The following JAZF1 variants were observed in gnomAD, a reference collection of about 807,000 sequenced individuals.
JAZF1 encodes the protein juxtaposed with another zinc finger protein 1.
Under a neutral mutation model 26.4 loss-of-function variants are expected in JAZF1, and 8 were observed. The ratio of observed to expected loss-of-function variants is 0.30; its 90% CI spans 0.18 to 0.55. The LOEUF (loss-of-function observed/expected upper bound fraction) is 0.55. JAZF1 is among the 20% of genes least tolerant of loss of function. The pLI is 0.94. For synonymous variants in JAZF1, 126 were observed against 122.3 expected (o/e 1.03, Z -0.20); for missense variants, 199 against 322.0 (o/e 0.62, Z 2.92).
chr7:27,910,527 A>G (rs1784343868), intron 2 of JAZF1, among the ~76,000 whole-genome samples: 1 of 152,200 alleles, frequency 6.6e-6, no homozygotes, highest in African/African-American at 2.4e-5. Flanking sequence ...GGCTCCCAGG[A>G]ATGCATGCGT....
rs1364032269 is a variant in JAZF1 at position 28,090,890 on chromosome 7, G to C, written c.115+89573C>G. 4.8e-5 allele frequency among the ~76,000 whole-genome samples: 7 copies of C among 145,538 alleles called. No individual in the cohort carries two copies. In the Admixed American group the frequency reaches 4.9e-4, roughly 10 times the overall value. On this transcript the variant is annotated intron_variant, in intron 1 of 4. Coordinates refer to ENST00000283928, the MANE Select transcript of JAZF1 (RefSeq NM_175061.4). ...GCCGGACTGCGGACTGCAGTGGCGC[G>C]ATCTCGGCTCACTGCAAGCTCCGCT...
At position 28,157,914 on chromosome 7, in the gene JAZF1, A is replaced by AATTCC. The variant is rs565001971; in HGVS notation, c.115+22544_115+22548dup. Among the ~76,000 whole-genome samples, 276 of 152,126 alleles carry AATTCC rather than the reference A, an allele frequency of 1.8e-3. 1 individual carries two copies. The highest frequency in any genetic ancestry group is 6.4e-3 in the African/African-American group (266 of 41,490). The stretch of plus-strand genomic sequence containing the variant: ...TTTTTTAATCCCCGATGTAAGCTTA[A>AATTCC]ATTCCCCATGGTCTCCTCCTAAGTT... On this transcript the variant is annotated intron_variant, in intron 1 of 4. Transcript: ENST00000283928.
At chr7:27,935,223 T>C (rs989785131) in intron 2 of JAZF1, among the ~76,000 whole-genome samples, 4 of 152,174 alleles carry the variant, frequency 2.6e-5, no homozygotes, top group Non-Finnish European at 4.4e-5. Flanking sequence ...TGTGGAGAAA[T>C]TGGAATCGTC....
intron 1 of JAZF1, among the ~76,000 whole-genome samples, chr7:28,053,891 A>G (rs886934047): frequency 1.3e-5 from 2 of 152,264 alleles, no homozygotes; most frequent in East Asian, 3.9e-4. Context: ...CACCCCGAGC[A>G]GCTCTGCATC....
In JAZF1 at chr7:28,036,131, G is replaced by A. The variant is rs561316781; in HGVS notation, c.116-44150C>T. On this transcript the variant is annotated intron_variant, in intron 1 of 4. Coordinates refer to ENST00000283928, the MANE Select transcript of JAZF1 (RefSeq NM_175061.4). ...TTTCTTTGTCTTGATGCACTAATAT[G>A]TAACAACTGTGGGGGAAAATACAAG... 9.2e-5 allele frequency among the ~76,000 whole-genome samples: 14 copies of A among 152,274 alleles called. No homozygotes were observed. In the South Asian group the frequency reaches 2.9e-3, roughly 32 times the overall value.
chr7:27,912,363 G>A (rs11770383), intron 2 of JAZF1, among the ~76,000 whole-genome samples: 2 of 152,170 alleles, frequency 1.3e-5, no homozygotes, highest in South Asian at 2.1e-4. Context: ...GAAGTGAAAA[G>A]TCTGCTCACA....
chr7:28,019,460 A>G (rs1195712168), intron 1 of JAZF1, among the ~76,000 whole-genome samples: 1 of 152,098 alleles, frequency 6.6e-6, no homozygotes, highest in Non-Finnish European at 1.5e-5. Flanking sequence ...TTCATTTGGT[A>G]GATTTATTGA....
intron 3 of JAZF1, chr7:27,841,987 G>A (rs947621371): frequency 6.6e-6 from 1 of 152,184 alleles, no homozygotes; most frequent in Non-Finnish European, 1.5e-5. Context: ...TGCACCAGGG[G>A]CCTGCCTGGG....
At chr7:28,069,736 T>C (rs1258676525) in intron 1 of JAZF1, among the ~76,000 whole-genome samples, 2 of 152,208 alleles carry the variant, frequency 1.3e-5, no homozygotes, top group African/African-American at 4.8e-5. Flanking sequence ...GCTTTAGAGT[T>C]TGGGGCGCTT....
intron 1 of JAZF1, among the ~76,000 whole-genome samples, chr7:28,122,668 C>T (rs73298679): frequency 0.028 from 4,204 of 152,152 alleles, 189 homozygotes; most frequent in African/African-American, 0.097. Flanking sequence ...GAAATATTAA[C>T]GTATCATTGC....
intron 1 of JAZF1, among the ~76,000 whole-genome samples, chr7:28,001,306 C>T (rs907778687): frequency 3.3e-5 from 5 of 151,926 alleles, no homozygotes; most frequent in African/African-American, 7.3e-5. Context: ...CAGCCGAGAA[C>T]GTGCCACTGC....
chr7:28,015,293 C>A lies in JAZF1; in HGVS notation c.116-23312G>T, dbSNP rs531131065. On this transcript the variant is annotated intron_variant, in intron 1 of 4. Transcript: ENST00000283928. ...AGATAAGCTTAAGGAGGCATAGTGG[C>A]TAAATGTTAATACAGGATCCTGGAA... Among the ~76,000 whole-genome samples, 4 of 151,998 alleles carry A rather than the reference C, an allele frequency of 2.6e-5. No homozygotes were observed. The South Asian group carries it at 8.3e-4, about 32-fold the overall frequency.
intron 1 of JAZF1, among the ~76,000 whole-genome samples, chr7:28,012,640 A>G (rs1430687759): frequency 6.6e-6 from 1 of 152,196 alleles, no homozygotes; most frequent in Non-Finnish European, 1.5e-5. Context: ...AGACAAAGCC[A>G]GAACTGGCAT....
intron 1 of JAZF1, among the ~76,000 whole-genome samples, chr7:28,168,626 A>C (rs1783406348): frequency 6.6e-6 from 1 of 152,102 alleles, no homozygotes; most frequent in South Asian, 2.1e-4. Flanking sequence ...GAGGCATGTG[A>C]GTTTGAGACT....
chr7:27,963,762 C>G (rs1255259455), intron 2 of JAZF1, among the ~76,000 whole-genome samples: 1 of 151,904 alleles, frequency 6.6e-6, no homozygotes, highest in East Asian at 1.9e-4. Flanking sequence ...GAGGCAAGGT[C>G]TTGCTACATT....
At chr7:28,090,955 T>G (rs899117131) in intron 1 of JAZF1, among the ~76,000 whole-genome samples, 2 of 150,450 alleles carry the variant, frequency 1.3e-5, no homozygotes, top group African/African-American at 4.9e-5. Context: ...GCCTCCCGAG[T>G]AGCTGGGACT....
chr7:28,169,097 T>C (rs1443135532), intron 1 of JAZF1, among the ~76,000 whole-genome samples: 1 of 152,252 alleles, frequency 6.6e-6, no homozygotes, highest in Non-Finnish European at 1.5e-5. Flanking sequence ...TTACAAGTTA[T>C]GTCAGATATA....
chr7:28,086,299 G>A (rs1043747047), intron 1 of JAZF1, among the ~76,000 whole-genome samples: 1 of 152,184 alleles, frequency 6.6e-6, no homozygotes, highest in Non-Finnish European at 1.5e-5. Flanking sequence ...CAGCTGAGCT[G>A]GGTACTCATA....
chr7:27,838,805 C>T (rs1782867851), intron 4 of JAZF1, among the ~76,000 whole-genome samples: 1 of 152,176 alleles, frequency 6.6e-6, no homozygotes, highest in Non-Finnish European at 1.5e-5. Context: ...CCCTGTGTAT[C>T]ATGACCTGGC....
Sources: allele counts gnomAD v4.1 joint callset (sites outside exome capture counted in the v4.1 genomes callset), GRCh38; gene constraint gnomAD v4.1.1; transcripts MANE v1.5; gene names NCBI Gene and HGNC (gene_info 2026-07-23, HGNC 2026-07-21).